KAZN: variants seen among roughly 807,000 people sequenced by gnomAD.
KAZN encodes kazrin.
A neutral mutation model predicts 87.4 loss-of-function variants in KAZN; 40 were observed. That is an observed-to-expected ratio of 0.46 (90% CI 0.36 to 0.60). The LOEUF (loss-of-function observed/expected upper bound fraction) is 0.60. Ranked by LOEUF, KAZN falls within the 20% of genes least tolerant of loss-of-function variation. KAZN has a pLI of 0.00. For synonymous variants in KAZN, 466 were observed against 458.3 expected (o/e 1.02, Z -0.22); for missense variants, 898 against 1,073.9 (o/e 0.84, Z 2.29).
rs549115540 is a variant in KAZN at position 14,922,116 on chromosome 1, G to A, written c.227-38568G>A. ...AATACGTGAAAGACTATGTTTCTTT[G>A]CGGAAGTGAAAAGTCTTCCTAAGTG... On this transcript the variant is annotated intron_variant, in intron 1 of 14. Coordinates refer to ENST00000376030, the MANE Select transcript of KAZN (RefSeq NM_201628.3). Among the ~76,000 whole-genome samples the A allele has an allele frequency of 5.9e-5, 9 of 152,330 alleles. 1 individual carries two copies. In the South Asian group the frequency reaches 1.9e-3, roughly 32 times the overall value.
intron 1 of KAZN, among the ~76,000 whole-genome samples, chr1:14,176,803 T>G (rs931867775): frequency 6.6e-6 from 1 of 152,176 alleles, no homozygotes; most frequent in Admixed American, 6.5e-5. Context: ...TAATCGAGGA[T>G]TTACGATATC....
intron 2 of KAZN, among the ~76,000 whole-genome samples, chr1:14,502,498 AG>A (rs1334359586): frequency 6.6e-6 from 1 of 152,144 alleles, no homozygotes; most frequent in Non-Finnish European, 1.5e-5. Flanking sequence ...GGGCAGGAGT[AG>A]GGGGTAGAGA....
At chr1:13,969,389 T>C (rs1371417790) in intron 1 of KAZN, among the ~76,000 whole-genome samples, 1 of 152,178 alleles carries the variant, frequency 6.6e-6, no homozygotes. Flanking sequence ...ATGCACATGC[T>C]GACAGGGAGA....
intron 1 of KAZN, among the ~76,000 whole-genome samples, chr1:14,648,015 C>G (rs1398874710): frequency 6.6e-6 from 1 of 152,154 alleles, no homozygotes; most frequent in African/African-American, 2.4e-5. Flanking sequence ...GGGTCATTCC[C>G]TTCTCTCCAC....
chr1:13,981,235 A>C (rs28731253), intron 1 of KAZN, among the ~76,000 whole-genome samples: 154 of 146,968 alleles, frequency 1.0e-3, no homozygotes, highest in African/African-American at 3.8e-3. Flanking sequence ...ACAATTTTTA[A>C]AAAGTTAAAA....
chr1:15,052,990 G>A (rs777789749), intron 4 of KAZN, among the ~76,000 whole-genome samples: 1 of 152,164 alleles, frequency 6.6e-6, no homozygotes, highest in African/African-American at 2.4e-5. Flanking sequence ...CCCTCCAAGG[G>A]CTGCCTGTTT....
intron 8 of KAZN, among the ~76,000 whole-genome samples, chr1:15,069,592 G>A (rs770182494): frequency 6.6e-6 from 1 of 152,164 alleles, no homozygotes; most frequent in Non-Finnish European, 1.5e-5. Context: ...GCGCCACTGC[G>A]CTCCAACCTG....
chr1:14,561,747 T>C (rs1674267109), intron 2 of KAZN, among the ~76,000 whole-genome samples: 1 of 151,752 alleles, frequency 6.6e-6, no homozygotes, highest in Non-Finnish European at 1.5e-5. Flanking sequence ...CTACTAAAAA[T>C]ACAAAAATTA....
chr1:14,414,149 G>A (rs954645220), intron 2 of KAZN, among the ~76,000 whole-genome samples: 15 of 152,114 alleles, frequency 9.9e-5, no homozygotes, highest in African/African-American at 3.6e-4. Flanking sequence ...AGAGACATAG[G>A]AATTCTTACA....
chr1:14,975,989 G>A lies in KAZN; in HGVS notation c.418+15114G>A, dbSNP rs540735901. Among the ~76,000 whole-genome samples, 6 of 141,532 alleles carry A rather than the reference G, an allele frequency of 4.2e-5. No individual in the cohort carries two copies. The South Asian group carries it at 1.4e-3, about 32-fold the overall frequency. 92.9% of individuals were successfully genotyped at this position (141,532 alleles called of 152,430 possible). On this transcript the variant is annotated intron_variant, in intron 2 of 14. Transcript: ENST00000376030. ...GGAGCTTGCAGTGAACCGAGATCATGCCACTGCACTCCAGCCTGGGCGACT... is the reference window on the plus strand; with the variant it reads ...GGAGCTTGCAGTGAACCGAGATCATACCACTGCACTCCAGCCTGGGCGACT...
chr1:14,423,436 T>G (rs1665543051), intron 2 of KAZN, among the ~76,000 whole-genome samples: 1 of 152,208 alleles, frequency 6.6e-6, no homozygotes, highest in Admixed American at 6.5e-5. Flanking sequence ...CTTGTAAAAA[T>G]ATCCCTGAAA....
At chr1:14,931,814 G>C (rs11811639) in intron 1 of KAZN, among the ~76,000 whole-genome samples, 13,310 of 152,104 alleles carry the variant, frequency 0.088, 2,009 homozygotes, top group African/African-American at 0.3. Context: ...GCACGATCAG[G>C]GCACGCTAGC....
At chr1:14,349,668 A>G (rs79502370) in intron 2 of KAZN, among the ~76,000 whole-genome samples, 3,504 of 152,244 alleles carry the variant, frequency 0.023, 129 homozygotes, top group African/African-American at 0.078. Flanking sequence ...CCCCTGAATG[A>G]AAGAAACAGC....
intron 2 of KAZN, among the ~76,000 whole-genome samples, chr1:14,576,655 C>A (rs765913594): frequency 6.6e-6 from 1 of 152,172 alleles, no homozygotes; most frequent in Non-Finnish European, 1.5e-5. Flanking sequence ...AGTCTTATGG[C>A]CTGCTGCCAT....
chr1:14,906,152 C>T (rs1490288837), intron 1 of KAZN, among the ~76,000 whole-genome samples: 4 of 150,212 alleles, frequency 2.7e-5, no homozygotes, highest in Non-Finnish European at 3.0e-5. Context: ...GGCCACAGAT[C>T]GAGACTCCAT....
At chr1:15,095,120 C>T (rs1303997174) in intron 10 of KAZN, among the ~76,000 whole-genome samples, 187 bp downstream of exon 10, 2 of 152,088 alleles carry the variant, frequency 1.3e-5, no homozygotes, top group Non-Finnish European at 2.9e-5. Context: ...CTGCTCTGGG[C>T]CAGCCCCCTC....
intron 1 of KAZN, among the ~76,000 whole-genome samples, chr1:14,819,363 A>C (rs528458667): frequency 6.6e-6 from 1 of 152,266 alleles, no homozygotes; most frequent in African/African-American, 2.4e-5. Context: ...TGTTCCATCA[A>C]ACACGAGTTC....
intron 3 of KAZN, among the ~76,000 whole-genome samples, chr1:15,037,745 C>T (rs138356635): frequency 8.5e-4 from 129 of 152,168 alleles, no homozygotes; most frequent in Non-Finnish European, 1.4e-3. Flanking sequence ...AAACGAAGGC[C>T]CCGGGTGGGC....
intron 1 of KAZN, among the ~76,000 whole-genome samples, chr1:14,761,034 C>T (rs1055508549): frequency 8.5e-5 from 13 of 152,170 alleles, no homozygotes; most frequent in African/African-American, 1.4e-4. Flanking sequence ...GACAGTAATT[C>T]GGTGAACACT....
Sources: gnomAD v4.1 joint callset for allele counts (sites outside exome capture counted in the v4.1 genomes callset) on GRCh38, gnomAD v4.1.1 for gene constraint, MANE v1.5 for transcripts, NCBI Gene and HGNC (gene_info 2026-07-23, HGNC 2026-07-21) for gene names.